SETD3: variants seen among roughly 807,000 people sequenced by gnomAD.
SETD3 encodes the protein actin-histidine N-methyltransferase.
In SETD3, 19 loss-of-function variants were observed where a neutral mutation model predicts 63.0. The ratio of observed to expected loss-of-function variants is 0.30; its 90% CI spans 0.21 to 0.44. The LOEUF (loss-of-function observed/expected upper bound fraction) is 0.44, where lower values mean the gene tolerates loss of function less well. Among genes scored for constraint, SETD3 ranks in the 20% least tolerant of loss-of-function variants. The pLI is 1.00. For synonymous variants in SETD3, 286 were observed against 264.1 expected, an observed-to-expected ratio of 1.08 and a Z score of -0.80; for missense variants, 587 against 728.5, an observed-to-expected ratio of 0.81 and a Z score of 2.24.
At chr14:99,481,575 GTC>G (rs2139840273), upstream of SETD3, 1 of 397,826 alleles carries the variant, frequency 2.5e-6, no homozygotes, top group Non-Finnish European at 4.4e-6. Flanking sequence ...CACTGGCGGA[GTC>G]TCTCTTTCCG....
At chr14:99,473,558 A>C (rs1342955804) in intron 1 of SETD3, among the ~76,000 whole-genome samples, 1 of 152,158 alleles carries the variant, frequency 6.6e-6, no homozygotes, top group Non-Finnish European at 1.5e-5. Flanking sequence ...TCTGTTTTTC[A>C]ATGTATCCTG....
At chr14:99,417,464 T>C (rs1419499374) in intron 6 of SETD3, among the ~76,000 whole-genome samples, 1 of 152,248 alleles carries the variant, frequency 6.6e-6, no homozygotes, top group Non-Finnish European at 1.5e-5. Flanking sequence ...TTGATATTTA[T>C]AATTGACAGA....
intron 3 of SETD3, among the ~76,000 whole-genome samples, chr14:99,463,074 T>TA (rs1323784618): frequency 6.6e-6 from 1 of 152,198 alleles, no homozygotes; most frequent in African/African-American, 2.4e-5. Flanking sequence ...CACCTCTTAT[T>TA]TAACTGAGAT....
chr14:99,421,184 T>C (rs1030218691), intron 6 of SETD3, among the ~76,000 whole-genome samples: 14 of 150,378 alleles, frequency 9.3e-5, no homozygotes, highest in African/African-American at 3.2e-4. Flanking sequence ...TCAAAAGATA[T>C]ATATACTTCC....
chr14:99,485,244 T>A (rs3918046), upstream of SETD3, among the ~76,000 whole-genome samples: 20 of 152,278 alleles, frequency 1.3e-4, no homozygotes, highest in Non-Finnish European at 2.4e-4. Context: ...TGAATATACT[T>A]ACGATTTATC....
At chr14:99,465,889 A>G in intron 1 of SETD3, 76 bp from the exon 2 acceptor site, 1 of 889,642 alleles carries the variant, frequency 1.1e-6, no homozygotes, top group South Asian at 1.5e-5. Flanking sequence ...CATGTCCAAC[A>G]CATGGCAGTG....
chr14:99,437,289 T>C (rs1189242944), intron 6 of SETD3, among the ~76,000 whole-genome samples: 7 of 152,082 alleles, frequency 4.6e-5, no homozygotes, highest in Admixed American at 4.6e-4. Flanking sequence ...CACACCACAC[T>C]CCAGGCCCAC....
At chr14:99,456,125 A>G (rs2139766115) in intron 6 of SETD3, among the ~76,000 whole-genome samples, 1 of 152,342 alleles carries the variant, frequency 6.6e-6, no homozygotes, top group South Asian at 2.1e-4. Context: ...ACTACACTCT[A>G]GCCTGGGTGA....
chr14:99,458,582 A>C (rs1894893363), intron 5 of SETD3, 47 bp from the exon 6 acceptor site: 1 of 1,573,150 alleles, frequency 6.4e-7, no homozygotes, highest in Admixed American at 2.0e-5. Context: ...AAACTTCTTA[A>C]AAACTTCATT....
intron 6 of SETD3, among the ~76,000 whole-genome samples, chr14:99,437,479 T>G (rs1893547838): frequency 6.6e-6 from 1 of 152,204 alleles, no homozygotes; most frequent in South Asian, 2.1e-4. Context: ...CTGCATTTGG[T>G]TTTCCACTAG....
intron 6 of SETD3, among the ~76,000 whole-genome samples, chr14:99,426,261 G>A (rs925071280): frequency 3.3e-5 from 5 of 152,194 alleles, no homozygotes; most frequent in South Asian, 2.1e-4. Context: ...TTTATGCCAC[G>A]TGAAATTGCT....
At position 99,405,327 on chromosome 14, in the gene SETD3, G is replaced by A; in HGVS notation, c.969C>T (p.Ile323=). Residue 323 remains isoleucine, a synonymous_variant, in exon 10 of 13, where the codon ATC becomes ATT. Coordinates refer to ENST00000331768, the MANE Select transcript of SETD3 (RefSeq NM_032233.3). ...YGTRSNAEFV[I]HSGFFFDNNS... ...TATTGTCAAAGAAAAAACCACTGTG[G>A]ATCACAAACTCTGCGTTGGATCGAG... 6.2e-7 allele frequency: 1 copy of A among 1,613,878 alleles called. No individual in the cohort carries two copies. The highest frequency in any genetic ancestry group is 8.5e-7 in the Non-Finnish European group (1 of 1,179,956).
intron 6 of SETD3, among the ~76,000 whole-genome samples, chr14:99,456,437 T>C (rs1309723097): frequency 1.3e-5 from 2 of 152,242 alleles, no homozygotes; most frequent in Non-Finnish European, 2.9e-5. Context: ...AGATTAGTGC[T>C]CTAAGAATGT....
intron 1 of SETD3, among the ~76,000 whole-genome samples, chr14:99,475,469 C>T (rs964973504): frequency 2.6e-5 from 4 of 152,232 alleles, no homozygotes; most frequent in Admixed American, 6.5e-5. Context: ...CAGAGCTGCA[C>T]GTTCACTTCC....
At chr14:99,458,955 T>C (rs1196804320) in intron 5 of SETD3, among the ~76,000 whole-genome samples, 158 bp downstream of exon 5, 1 of 152,042 alleles carries the variant, frequency 6.6e-6, no homozygotes, top group Non-Finnish European at 1.5e-5. Context: ...GTCATGTGCA[T>C]CTTTTTTATA....
intron 6 of SETD3, among the ~76,000 whole-genome samples, chr14:99,427,083 T>C (rs1444710260): frequency 1.3e-5 from 2 of 152,226 alleles, no homozygotes; most frequent in African/African-American, 4.8e-5. Flanking sequence ...TCCTGTCATG[T>C]TCCTATGACG....
chr14:99,418,598 C>A (rs961069468), intron 6 of SETD3, among the ~76,000 whole-genome samples: 15 of 152,128 alleles, frequency 9.9e-5, no homozygotes, highest in African/African-American at 3.4e-4. Context: ...CTCCCTAGGC[C>A]CACTGTGGAT....
In SETD3 at chr14:99,480,732, C is replaced by A. The variant is rs1006637442; in HGVS notation, c.-13G>T. ...GAGACCGCCGCCAGCACTCACCTGC[C>A]CGCTTCCCCTAGCGCAGCGGGAACG... On this transcript the variant is annotated 5_prime_UTR_variant, in exon 1 of 13. Transcript: ENST00000331768. The A allele has an allele frequency of 3.3e-5, 5 of 151,090 alleles. No individual in the cohort carries two copies. The highest frequency in any genetic ancestry group is 7.4e-5 in the Non-Finnish European group (5 of 67,776). 9.4% of individuals were successfully genotyped at this position (151,090 alleles called of 1,614,324 possible). A position where few individuals can be genotyped will look rare whatever the true frequency, so the allele number is the denominator to read the frequency against.
chr14:99,484,722 A>G (rs1032611344), upstream of SETD3, among the ~76,000 whole-genome samples: 2 of 152,258 alleles, frequency 1.3e-5, no homozygotes, highest in African/African-American at 2.4e-5. Flanking sequence ...CAGCAATGCC[A>G]TAGGCTGTTT....
Sources: allele counts gnomAD v4.1 joint callset (sites outside exome capture counted in the v4.1 genomes callset), GRCh38; gene constraint gnomAD v4.1.1; transcripts MANE v1.5; gene names NCBI Gene and HGNC (gene_info 2026-07-23, HGNC 2026-07-21).